The following WWC1 variants were observed in gnomAD, a reference collection of about 807,000 sequenced individuals.
WWC1 encodes protein KIBRA.
A neutral mutation model predicts 138.4 loss-of-function variants in WWC1; 55 were observed. The observed-to-expected ratio is 0.40, with a 90% CI of 0.32 to 0.50. WWC1 has a LOEUF of 0.50. Ranked by LOEUF, WWC1 falls within the 20% of genes least tolerant of loss-of-function variation. The pLI is 0.72. For missense variants in WWC1, 1,226 were observed against 1,420.4 expected (o/e 0.86, Z 2.20); for synonymous variants, 524 against 564.9 (o/e 0.93, Z 1.03).
chr5:168,406,332 G>C lies in WWC1; in HGVS notation c.720+5G>C. On this transcript the variant is annotated splice_donor_5th_base_variant and intron_variant, in intron 6 of 22. Transcript: ENST00000265293. Reference sequence around the variant, plus strand: ...GAAAAGCAAGATCTCATTAAGGTATGCAAGTTCCTGTTGATGTGGGTGCCA... The same window carrying C: ...GAAAAGCAAGATCTCATTAAGGTATCCAAGTTCCTGTTGATGTGGGTGCCA... 1 of 1,613,278 alleles carries C rather than the reference G, an allele frequency of 6.2e-7. No individual in the cohort carries two copies. The highest frequency in any genetic ancestry group is 8.5e-7 in the Non-Finnish European group (1 of 1,179,484).
intron 6 of WWC1, among the ~76,000 whole-genome samples, chr5:168,408,079 GCTGATCT>G (rs1164595780): frequency 2.0e-5 from 3 of 147,906 alleles, no homozygotes; most frequent in Non-Finnish European, 4.5e-5. Context: ...TGTTGCCCAG[GCTGATCT>G]TGAATTCCTG....
intron 3 of WWC1, among the ~76,000 whole-genome samples, chr5:168,388,050 A>C (rs919204583): frequency 6.6e-6 from 1 of 152,198 alleles, no homozygotes. Flanking sequence ...TTACCCTACA[A>C]ATCACTCACT....
intron 1 of WWC1, among the ~76,000 whole-genome samples, chr5:168,364,815 G>A (rs1184621348): frequency 1.3e-5 from 2 of 152,184 alleles, no homozygotes; most frequent in South Asian, 4.1e-4. Context: ...CACTTCACCT[G>A]AATAGCATGG....
chr5:168,445,647 A>T (rs1333076173), intron 17 of WWC1, among the ~76,000 whole-genome samples: 1 of 149,846 alleles, frequency 6.7e-6, no homozygotes, highest in African/African-American at 2.5e-5. Flanking sequence ...GGTTGCAGTG[A>T]ACCGAGATTG....
intron 1 of WWC1, among the ~76,000 whole-genome samples, chr5:168,337,671 C>T (rs758643715): frequency 6.6e-6 from 1 of 152,224 alleles, no homozygotes; most frequent in Non-Finnish European, 1.5e-5. Context: ...GTTTGTGCTA[C>T]AGACGGTAAG....
intron 15 of WWC1, among the ~76,000 whole-genome samples, chr5:168,440,401 A>G (rs1429836699): frequency 6.6e-6 from 1 of 152,248 alleles, no homozygotes; most frequent in Non-Finnish European, 1.5e-5. Flanking sequence ...TAAACAGTGT[A>G]GTAGTTCCAC....
chr5:168,397,147 C>A (rs139471934), intron 3 of WWC1, among the ~76,000 whole-genome samples: 146 of 143,494 alleles, frequency 1.0e-3, no homozygotes, highest in Non-Finnish European at 1.5e-3. Flanking sequence ...TTAAATTATT[C>A]TTTTTTTTTT....
intron 1 of WWC1, among the ~76,000 whole-genome samples, chr5:168,336,583 A>AAAC (rs1773477996): frequency 6.7e-6 from 1 of 150,128 alleles, no homozygotes; most frequent in East Asian, 1.9e-4. Flanking sequence ...AAAAAAAAAA[A>AAAC]AAAAAAAAAA....
At chr5:168,347,258 G>A (rs746932874) in intron 1 of WWC1, among the ~76,000 whole-genome samples, 1 of 152,180 alleles carries the variant, frequency 6.6e-6, no homozygotes, top group African/African-American at 2.4e-5. Context: ...CTGAGTTCTC[G>A]AGTTAACCGC....
chr5:168,375,564 G>GT (rs965166431), intron 2 of WWC1, among the ~76,000 whole-genome samples: 12 of 151,666 alleles, frequency 7.9e-5, no homozygotes, highest in Non-Finnish European at 1.5e-4. Flanking sequence ...CTTTTTTTTT[G>GT]TTTTTTTCTT....
chr5:168,430,326 A>G, intron 14 of WWC1, 103 bp downstream of exon 14: 1 of 914,444 alleles, frequency 1.1e-6, no homozygotes, highest in South Asian at 1.6e-5. Context: ...GGGCCTTGTC[A>G]AGGCACTGTG....
chr5:168,383,270 A>G (rs1777787359), intron 2 of WWC1, among the ~76,000 whole-genome samples: 1 of 152,152 alleles, frequency 6.6e-6, no homozygotes, highest in Non-Finnish European at 1.5e-5. Context: ...TACTTTCACT[A>G]TCATTTGTTT....
intron 2 of WWC1, among the ~76,000 whole-genome samples, chr5:168,383,207 AG>A (rs1777780135): frequency 6.6e-6 from 1 of 151,942 alleles, no homozygotes; most frequent in East Asian, 1.9e-4. Context: ...AAAAGAAAAA[AG>A]AAAAAGAAAA....
chr5:168,335,217 C>T (rs957742727), intron 1 of WWC1, among the ~76,000 whole-genome samples: 1 of 152,312 alleles, frequency 6.6e-6, no homozygotes, highest in South Asian at 2.1e-4. Context: ...CTCGGCATTG[C>T]ACACCCTAGA....
chr5:168,369,895 ATTT>A (rs35999257), intron 1 of WWC1, among the ~76,000 whole-genome samples: 1 of 89,002 alleles, frequency 1.1e-5, no homozygotes, highest in Non-Finnish European at 2.1e-5. Context: ...TCATTGTGCA[ATTT>A]TTTTTTTTTT....
intron 8 of WWC1, chr5:168,414,106 G>A (rs1395648769): frequency 3.9e-6 from 2 of 516,938 alleles, no homozygotes; most frequent in Non-Finnish European, 6.9e-6. Context: ...CAGGAACAGG[G>A]CAAGGACATT....
At chr5:168,442,644 C>G (rs1754887723) in intron 16 of WWC1, among the ~76,000 whole-genome samples, 1 of 151,636 alleles carries the variant, frequency 6.6e-6, no homozygotes, top group Non-Finnish European at 1.5e-5. Flanking sequence ...TGAGACCACC[C>G]TGGCCAACAT....
chr5:168,428,873 A>G (rs1045955491), intron 13 of WWC1, 86 bp downstream of exon 13: 1 of 1,438,834 alleles, frequency 7.0e-7, no homozygotes, highest in Admixed American at 1.8e-5. Context: ...ATTTACCTTC[A>G]CAGCCGCCCA....
chr5:168,460,576 T>A, intron 19 of WWC1, 74 bp from the exon 20 acceptor site: 1 of 1,468,192 alleles, frequency 6.8e-7, no homozygotes, highest in East Asian at 2.3e-5. Context: ...GAACCTGACC[T>A]CCCTCTAGGC....
Sources: allele counts gnomAD v4.1 joint callset (sites outside exome capture counted in the v4.1 genomes callset), GRCh38; gene constraint gnomAD v4.1.1; transcripts MANE v1.5; gene names NCBI Gene and HGNC (gene_info 2026-07-23, HGNC 2026-07-21).